The following KAZN variants were observed in gnomAD, a reference collection of about 807,000 sequenced individuals.
The protein encoded by KAZN is kazrin.
Under a neutral mutation model 87.4 loss-of-function variants are expected in KAZN, and 40 were observed. That is an observed-to-expected ratio of 0.46 (90% CI 0.36 to 0.60). The LOEUF is 0.60. KAZN is among the 20% of genes least tolerant of loss of function. The pLI is 0.00. For missense variants in KAZN, 898 were observed against 1,073.9 expected (o/e 0.84, Z 2.29); for synonymous variants, 466 against 458.3 (o/e 1.02, Z -0.22).
At chr1:14,962,541 C>A (rs1664003940) in intron 2 of KAZN, among the ~76,000 whole-genome samples, 1 of 152,182 alleles carries the variant, frequency 6.6e-6, no homozygotes. Context: ...CTGTAATATC[C>A]ATTCTCCTTC....
In KAZN at chr1:13,984,236, T is replaced by A. The variant is rs1245364139; in HGVS notation, c.91+90480T>A. On this transcript the variant is annotated intron_variant, in intron 1 of 16. Transcript: ENST00000636203. ...TGTGTTAGCCAGGATGGTCTTGATC[T>A]TCTGACCTCGTGATCTGCCCGCCTC... Among the ~76,000 whole-genome samples the A allele has an allele frequency of 2.0e-5, 3 of 152,128 alleles. No individual in the cohort carries two copies. The East Asian group carries it at 5.8e-4, about 29-fold the overall frequency.
chr1:14,738,389 C>T lies in KAZN; in HGVS notation c.226+139166C>T, dbSNP rs193052367. ...GCAGATGACACAGCAGTGCCCTGAACCCTGGCTGCTGCTCCAGCACACTCA... is the reference window on the plus strand; with the variant it reads ...GCAGATGACACAGCAGTGCCCTGAATCCTGGCTGCTGCTCCAGCACACTCA... On this transcript the variant is annotated intron_variant, in intron 1 of 14. Transcript: ENST00000376030. Among the ~76,000 whole-genome samples the T allele has an allele frequency of 1.4e-4, 21 of 152,140 alleles. No homozygotes were observed. The East Asian group carries it at 2.7e-3, about 20-fold the overall frequency.
intron 2 of KAZN, among the ~76,000 whole-genome samples, chr1:14,235,449 C>T (rs1019988797): frequency 9.9e-5 from 15 of 152,004 alleles, no homozygotes; most frequent in South Asian, 2.1e-4. Context: ...TGGTTGTCAG[C>T]GGAGGGGGGA....
At chr1:14,835,504 A>G (rs772613134) in intron 1 of KAZN, among the ~76,000 whole-genome samples, 1 of 152,130 alleles carries the variant, frequency 6.6e-6, no homozygotes, top group African/African-American at 2.4e-5. Context: ...GAGGTGCATT[A>G]TGTTACTCAC....
chr1:14,599,433 C>A lies in KAZN; in HGVS notation c.226+210C>A, dbSNP rs971143643. Among the ~76,000 whole-genome samples, 2 of 152,190 alleles carry A rather than the reference C, an allele frequency of 1.3e-5. No homozygotes were observed. Among genetic ancestry groups the A allele is most frequent in the African/African-American group, 4.8e-5 (2 of 41,444 alleles). On this transcript the variant is annotated intron_variant, in intron 1 of 14. Coordinates refer to ENST00000376030, the MANE Select transcript of KAZN (RefSeq NM_201628.3). This position sits in a 1 kb window ranked among gnomAD's most constrained non-coding sequence, Gnocchi z 4.4. ...CACGAAAACCCGAGCGCAGTGTGCA[C>A]GGGGTCACACGGTCACACCGGCCCC...
intron 2 of KAZN, among the ~76,000 whole-genome samples, chr1:14,291,264 T>C (rs1653667159): frequency 6.6e-6 from 1 of 152,212 alleles, no homozygotes; most frequent in South Asian, 2.1e-4. Flanking sequence ...CTGCTGCCTT[T>C]TGTTCAGCTA....
At chr1:14,179,937 C>A (rs1326922250) in intron 1 of KAZN, among the ~76,000 whole-genome samples, 4 of 152,166 alleles carry the variant, frequency 2.6e-5, no homozygotes, top group African/African-American at 4.8e-5. Context: ...ACATGTGGCA[C>A]TGATTGGAAA....
intron 1 of KAZN, among the ~76,000 whole-genome samples, chr1:14,102,618 C>T (rs535882552): frequency 6.6e-6 from 1 of 152,182 alleles, no homozygotes; most frequent in African/African-American, 2.4e-5. Context: ...AGCTCCATTT[C>T]CATGTTTTGG....
intron 1 of KAZN, chr1:14,692,194 CTT>C (rs1641356149): frequency 2.2e-6 from 1 of 450,978 alleles, no homozygotes; most frequent in South Asian, 8.5e-5. Context: ...TCTTCCAAGT[CTT>C]TTTCACTTTC....
intron 1 of KAZN, among the ~76,000 whole-genome samples, chr1:14,071,685 G>A (rs535715052): frequency 2.4e-4 from 37 of 152,276 alleles, no homozygotes; most frequent in Admixed American, 9.2e-4. Flanking sequence ...ACCTCCTGCA[G>A]CAATCTCTCC....
At chr1:14,087,648 GT>G (rs1335224099) in intron 1 of KAZN, among the ~76,000 whole-genome samples, 1 of 149,762 alleles carries the variant, frequency 6.7e-6, no homozygotes, top group African/African-American at 2.5e-5. Flanking sequence ...TTTGCTGAGA[GT>G]TTTTTTTATC....
chr1:14,020,280 G>A (rs75527070), intron 1 of KAZN, among the ~76,000 whole-genome samples: 9,006 of 152,214 alleles, frequency 0.059, 853 homozygotes, highest in African/African-American at 0.2. Flanking sequence ...AACAGGCCAC[G>A]GACTGATATT....
At chr1:15,055,438 T>A (rs1251378761) in intron 4 of KAZN, among the ~76,000 whole-genome samples, 1 of 152,078 alleles carries the variant, frequency 6.6e-6, no homozygotes, top group African/African-American at 2.4e-5. Flanking sequence ...GCCACTGCAC[T>A]CCAGTCTGGG....
intron 2 of KAZN, among the ~76,000 whole-genome samples, chr1:14,436,254 G>GCA (rs200497247): frequency 2.0e-5 from 3 of 151,758 alleles, no homozygotes; most frequent in East Asian, 3.9e-4. Context: ...AAAATGGAAT[G>GCA]CACACACACA....
At chr1:13,989,215 A>G (rs1245373452) in intron 1 of KAZN, among the ~76,000 whole-genome samples, 1 of 152,026 alleles carries the variant, frequency 6.6e-6, no homozygotes, top group Non-Finnish European at 1.5e-5. Context: ...TCCCAATACT[A>G]TTGCATGGGG....
chr1:13,899,371 G>A (rs143795794), intron 1 of KAZN, among the ~76,000 whole-genome samples: 224 of 152,300 alleles, frequency 1.5e-3, no homozygotes, highest in African/African-American at 4.4e-3. Flanking sequence ...GTTAGTAGTT[G>A]GGCCAGGATT....
intron 8 of KAZN, among the ~76,000 whole-genome samples, chr1:15,083,286 A>G (rs1321797207): frequency 3.9e-5 from 6 of 152,166 alleles, no homozygotes; most frequent in African/African-American, 1.4e-4. Flanking sequence ...GGACTGTTTC[A>G]GGGCAAAAAT....
At chr1:14,202,997 A>G (rs1646670961) in intron 2 of KAZN, among the ~76,000 whole-genome samples, 1 of 152,124 alleles carries the variant, frequency 6.6e-6, no homozygotes, top group Admixed American at 6.5e-5. Flanking sequence ...AGCCTGGGCG[A>G]CAAGAGCAAA....
At chr1:13,893,633 C>T (rs762661518) in exon 1 of KAZN, 1 of 1,549,704 alleles carries the variant, frequency 6.5e-7, no homozygotes, top group Middle Eastern at 1.8e-4. Flanking sequence ...TGGACGCTGC[C>T]ACATGACCAA....
Sources: allele counts gnomAD v4.1 joint callset (sites outside exome capture counted in the v4.1 genomes callset), GRCh38; gene constraint gnomAD v4.1.1; non-coding constraint Gnocchi (gnomAD v3.1); transcripts MANE v1.5; gene names NCBI Gene and HGNC (gene_info 2026-07-23, HGNC 2026-07-21).